The following TCF12 variants were observed in gnomAD, a reference collection of about 807,000 sequenced individuals.
TCF12 encodes the protein DNA-binding protein HTF4.
In TCF12, 45 loss-of-function variants were observed where a neutral mutation model predicts 86.0. The ratio of observed to expected loss-of-function variants is 0.52; its 90% CI spans 0.41 to 0.67. The LOEUF is 0.67. TCF12 is among the 30% of genes least tolerant of loss of function. The pLI, the probability that TCF12 is intolerant of heterozygous loss-of-function variation, is 0.00. For missense variants in TCF12, 881 were observed against 859.9 expected, an observed-to-expected ratio of 1.02 and a Z score of -0.31; for synonymous variants, 330 against 299.6, an observed-to-expected ratio of 1.10 and a Z score of -1.05.
chr15:56,948,041 T>A (rs2061087189), intron 3 of TCF12, among the ~76,000 whole-genome samples: 1 of 152,232 alleles, frequency 6.6e-6, no homozygotes, highest in African/African-American at 2.4e-5. Flanking sequence ...GACTTATTTA[T>A]CACTTTTGTA....
chr15:56,951,339 T>C (rs1595821890), intron 3 of TCF12, among the ~76,000 whole-genome samples: 1 of 152,220 alleles, frequency 6.6e-6, no homozygotes, highest in East Asian at 1.9e-4. Flanking sequence ...TTGCTATCTT[T>C]TATCTTGTTT....
At chr15:57,278,316 A>G (rs1251737338) in intron 19 of TCF12, among the ~76,000 whole-genome samples, 2 of 152,152 alleles carry the variant, frequency 1.3e-5, no homozygotes, top group East Asian at 3.9e-4. Flanking sequence ...ATTGAATACT[A>G]TTAGCTGCAG....
At chr15:56,952,513 T>C (rs2414490) in intron 3 of TCF12, among the ~76,000 whole-genome samples, 63,413 of 151,850 alleles carry the variant, frequency 0.42, 15,104 homozygotes, top group Non-Finnish European at 0.54. Flanking sequence ...TTCTGATCCA[T>C]GTAGATGCTG....
intron 3 of TCF12, among the ~76,000 whole-genome samples, chr15:56,963,877 G>C (rs564407574): frequency 6.6e-6 from 1 of 152,312 alleles, no homozygotes; most frequent in African/African-American, 2.4e-5. Context: ...TGGTTCCTGG[G>C]AGAACATGAG....
At chr15:57,021,299 T>G (rs764030446) in intron 3 of TCF12, among the ~76,000 whole-genome samples, 24 of 152,342 alleles carry the variant, frequency 1.6e-4, no homozygotes, top group Middle Eastern at 3.4e-3. Context: ...CATTGTGTCA[T>G]GCTGAAATGG....
intron 3 of TCF12, among the ~76,000 whole-genome samples, chr15:56,926,728 C>G (rs2060032549): frequency 6.6e-6 from 1 of 152,164 alleles, no homozygotes; most frequent in South Asian, 2.1e-4. Context: ...TGTTCAGATC[C>G]AGAAATTACC....
At chr15:56,956,018 C>G (rs1185833195) in intron 3 of TCF12, among the ~76,000 whole-genome samples, 5 of 152,036 alleles carry the variant, frequency 3.3e-5, no homozygotes, top group African/African-American at 1.2e-4. Flanking sequence ...GCTTAGAAAT[C>G]CACATTGTGT....
intron 8 of TCF12, among the ~76,000 whole-genome samples, chr15:57,203,258 CT>C (rs1202154566): frequency 1.3e-5 from 2 of 151,600 alleles, no homozygotes; most frequent in Non-Finnish European, 2.9e-5. Flanking sequence ...GGAGTCGACA[CT>C]TTTTTTTTCC....
rs184945269 is a variant in TCF12 at position 56,920,830 on chromosome 15, T to A, written c.76-196T>A. Among the ~76,000 whole-genome samples the A allele has an allele frequency of 5.2e-3, 796 of 152,318 alleles. 25 individuals are homozygous for A. The highest frequency in any genetic ancestry group is 2.5e-3 in the Non-Finnish European group (171 of 68,022). ...AAATGATCGGGTCTTCAGAACAAAA[T>A]GTAACCATTATTTCCAATTAATTAG... is the stretch of plus-strand genomic sequence containing the variant. On this transcript the variant is annotated intron_variant, in intron 2 of 20. Transcript: ENST00000333725.
chr15:57,236,749 TAATCTC>T (rs1454286768), intron 12 of TCF12, among the ~76,000 whole-genome samples: 1 of 151,898 alleles, frequency 6.6e-6, no homozygotes, highest in Non-Finnish European at 1.5e-5. Flanking sequence ...ATTGTGGTCT[TAATCTC>T]AGGATAGCAA....
At chr15:57,246,802 C>T (rs759667368) in intron 13 of TCF12, among the ~76,000 whole-genome samples, 12 of 152,194 alleles carry the variant, frequency 7.9e-5, no homozygotes, top group Non-Finnish European at 1.2e-4. Context: ...GTTTCAGCTG[C>T]AGTAACTTTT....
chr15:56,968,467 A>G (rs1243642085), intron 3 of TCF12, among the ~76,000 whole-genome samples: 2 of 150,928 alleles, frequency 1.3e-5, no homozygotes, highest in African/African-American at 4.9e-5. Context: ...GAACTCCTGG[A>G]CTCAAGCAGT....
chr15:56,962,971 C>A (rs2061835409), intron 3 of TCF12, among the ~76,000 whole-genome samples: 1 of 145,642 alleles, frequency 6.9e-6, no homozygotes, highest in Non-Finnish European at 1.5e-5. Flanking sequence ...TTTAAAAAAT[C>A]TATGAGTTTT....
At chr15:56,991,514 A>G (rs1044657181) in intron 3 of TCF12, among the ~76,000 whole-genome samples, 67 of 152,346 alleles carry the variant, frequency 4.4e-4, no homozygotes, top group African/African-American at 1.5e-3. Flanking sequence ...TTTGACAGTA[A>G]AGTTTGGACC....
chr15:57,042,103 CTT>C lies in TCF12; in HGVS notation c.149-21646_149-21645del, dbSNP rs200128105. Among the ~76,000 whole-genome samples, 5 of 152,152 alleles carry C rather than the reference CTT, an allele frequency of 3.3e-5. No homozygotes were observed. The East Asian group carries it at 9.6e-4, about 29-fold the overall frequency. On this transcript the variant is annotated intron_variant, in intron 3 of 20. Transcript: ENST00000333725. ...ATTTAACTACAAAAGTACCTTTTAC[CTT>C]ATTTTATTTTTCAATTTTTATTGTT...
chr15:57,153,987 C>T (rs1182365954), intron 5 of TCF12, among the ~76,000 whole-genome samples: 1 of 150,066 alleles, frequency 6.7e-6, no homozygotes, highest in African/African-American at 2.5e-5. Flanking sequence ...AGAAGAAGAC[C>T]CTGTGTCTTT....
intron 3 of TCF12, among the ~76,000 whole-genome samples, chr15:57,004,395 GC>G (rs1185189704): frequency 1.3e-5 from 2 of 151,814 alleles, no homozygotes; most frequent in African/African-American, 4.8e-5. Flanking sequence ...GCACCACCAT[GC>G]CTGGCTAATT....
At chr15:57,141,125 A>G (rs1169742941) in intron 5 of TCF12, among the ~76,000 whole-genome samples, 1 of 152,180 alleles carries the variant, frequency 6.6e-6, no homozygotes, top group Admixed American at 6.5e-5. Context: ...AAATCAGGCT[A>G]TCACCCTTTT....
At chr15:57,083,606 A>T (rs890707343) in intron 4 of TCF12, among the ~76,000 whole-genome samples, 2 of 152,068 alleles carry the variant, frequency 1.3e-5, no homozygotes, top group Non-Finnish European at 2.9e-5. Flanking sequence ...ATTTTTTGAG[A>T]TGAGCTCTGG....
Sources: gnomAD v4.1 joint callset for allele counts (sites outside exome capture counted in the v4.1 genomes callset) on GRCh38, gnomAD v4.1.1 for gene constraint, MANE v1.5 for transcripts, NCBI Gene and HGNC (gene_info 2026-07-23, HGNC 2026-07-21) for gene names.